ZNF521: variants seen among roughly 807,000 people sequenced by gnomAD.
The protein encoded by ZNF521 is zinc finger protein 521, also known as LYST-interacting protein 3.
ZNF521 carries 14 observed loss-of-function variants against 105.5 expected under a neutral mutation model. The observed-to-expected ratio is 0.13, with a 90% confidence interval of 0.09 to 0.21. The LOEUF (loss-of-function observed/expected upper bound fraction) is 0.21, where lower values mean the gene tolerates loss of function less well. Ranked by LOEUF, ZNF521 falls within the 10% of genes least tolerant of loss-of-function variation. The probability of loss-of-function intolerance (pLI) is 1.00; values close to 1 mark genes in which losing one functional copy is unlikely to be tolerated. For missense variants in ZNF521, 1,233 were observed against 1,629.7 expected (o/e 0.76, Z 4.19); for synonymous variants, 635 against 606.0 (o/e 1.05, Z -0.70).
At chr18:25,273,005 T>C (rs1048266743) in intron 3 of ZNF521, among the ~76,000 whole-genome samples, 1 of 151,532 alleles carries the variant, frequency 6.6e-6, no homozygotes, top group Non-Finnish European at 1.5e-5. Flanking sequence ...AGCAGGTGGA[T>C]CACTTGAGTC....
At chr18:25,256,565 A>C (rs1377486631) in intron 3 of ZNF521, among the ~76,000 whole-genome samples, 1 of 152,044 alleles carries the variant, frequency 6.6e-6, no homozygotes, top group Non-Finnish European at 1.5e-5. Flanking sequence ...AGCATTTCAG[A>C]TGGGTTTGTG....
chr18:25,198,458 A>G (rs1002125289), intron 4 of ZNF521, among the ~76,000 whole-genome samples: 6 of 151,924 alleles, frequency 3.9e-5, no homozygotes, highest in Non-Finnish European at 4.4e-5. Flanking sequence ...ATTAGGACTC[A>G]GACTTCACAT....
rs1050059359 is a variant in ZNF521 at position 25,326,357 on chromosome 18, G to A, written c.41-4170C>T. ...TTCCAAGCCACTTTTGCATGGAAAAGCACTGGCAAAAGAAAGAAAAACTAA... is the reference window on the plus strand; with the variant it reads ...TTCCAAGCCACTTTTGCATGGAAAAACACTGGCAAAAGAAAGAAAAACTAA... On this transcript the variant is annotated intron_variant, in intron 2 of 7. Transcript: ENST00000361524. Among the ~76,000 whole-genome samples, 6 of 152,254 alleles carry A rather than the reference G, an allele frequency of 3.9e-5. No homozygotes were observed. The East Asian group carries it at 9.7e-4, about 25-fold the overall frequency.
chr18:25,281,806 T>A (rs1036846635), intron 3 of ZNF521, among the ~76,000 whole-genome samples: 1 of 152,150 alleles, frequency 6.6e-6, no homozygotes, highest in East Asian at 1.9e-4. Flanking sequence ...TTTCTGACTG[T>A]CCAGTGCAGT....
intron 7 of ZNF521, among the ~76,000 whole-genome samples, chr18:25,082,927 C>T (rs369951720): frequency 7.6e-5 from 11 of 145,182 alleles, no homozygotes; most frequent in Admixed American, 1.4e-4. Flanking sequence ...AGTGAGAAAA[C>T]GGGGATGAGG....
chr18:25,183,644 A>G (rs2035670908), intron 5 of ZNF521, among the ~76,000 whole-genome samples: 1 of 152,164 alleles, frequency 6.6e-6, no homozygotes. Flanking sequence ...TAAATATTTA[A>G]CAGTACTATC....
Position 25,187,342 on chromosome 18 carries a change from T to A in ZNF521, c.3658+7818A>T, listed in dbSNP as rs201692544. 8.0e-4 allele frequency among the ~76,000 whole-genome samples: 122 copies of A among 152,230 alleles called. 3 individuals carry two copies. The South Asian group carries it at 0.011, about 13-fold the overall frequency. ...AATTAATGCAATGTAAGCGTGAACTTAAACGATACAATTTCTCTATTTCTC... is the reference window on the plus strand; with the variant it reads ...AATTAATGCAATGTAAGCGTGAACTAAAACGATACAATTTCTCTATTTCTC... On this transcript the variant is annotated intron_variant, in intron 5 of 7. Coordinates refer to ENST00000361524, the MANE Select transcript of ZNF521 (RefSeq NM_015461.3).
chr18:25,250,161 G>C (rs1230236368), intron 3 of ZNF521, among the ~76,000 whole-genome samples: 1 of 152,084 alleles, frequency 6.6e-6, no homozygotes, highest in Non-Finnish European at 1.5e-5. Context: ...GGATGGTCTC[G>C]ATCTCCTGAC....
intron 3 of ZNF521, among the ~76,000 whole-genome samples, chr18:25,289,835 C>T (rs112237945): frequency 3.2e-3 from 494 of 152,230 alleles, no homozygotes; most frequent in Non-Finnish European, 4.9e-3. Flanking sequence ...AATCAACTTC[C>T]GCACACAATA....
chr18:25,182,881 T>C (rs2035656776), intron 5 of ZNF521, among the ~76,000 whole-genome samples: 1 of 152,126 alleles, frequency 6.6e-6, no homozygotes, highest in African/African-American at 2.4e-5. Context: ...CTAATTATAC[T>C]GATAAGCATG....
At chr18:25,285,954 AG>A (rs1381962648) in intron 3 of ZNF521, among the ~76,000 whole-genome samples, 8 of 152,222 alleles carry the variant, frequency 5.3e-5, no homozygotes, top group Non-Finnish European at 8.8e-5. Context: ...ATCTGATCAA[AG>A]GCCGATATTA....
intron 3 of ZNF521, among the ~76,000 whole-genome samples, chr18:25,285,791 A>T (rs1420779226): frequency 6.6e-6 from 1 of 152,076 alleles, no homozygotes; most frequent in Non-Finnish European, 1.5e-5. Context: ...AAATCACAAA[A>T]AGGTCAGAAA....
intron 3 of ZNF521, among the ~76,000 whole-genome samples, chr18:25,313,984 G>A (rs977548738): frequency 3.9e-5 from 6 of 152,040 alleles, no homozygotes; most frequent in African/African-American, 1.4e-4. Context: ...AACTTATAGT[G>A]CCTTAAGCCT....
At chr18:25,146,993 C>T (rs902377230) in intron 5 of ZNF521, among the ~76,000 whole-genome samples, 6 of 152,108 alleles carry the variant, frequency 3.9e-5, no homozygotes, top group Admixed American at 3.9e-4. Flanking sequence ...ATTACATAGG[C>T]ATCAGATATA....
intron 5 of ZNF521, among the ~76,000 whole-genome samples, chr18:25,191,089 G>T (rs968459920): frequency 1.3e-5 from 2 of 151,948 alleles, no homozygotes; most frequent in Admixed American, 6.6e-5. Context: ...GTTTATTAGT[G>T]ACTATTTCTG....
At chr18:25,274,841 TTA>T (rs1472311243) in intron 3 of ZNF521, among the ~76,000 whole-genome samples, 2 of 152,188 alleles carry the variant, frequency 1.3e-5, no homozygotes, top group African/African-American at 4.8e-5. Flanking sequence ...GTTGTGGGAC[TTA>T]TGGCTTGTCC....
At chr18:25,204,561 G>A (rs1568008203) in intron 4 of ZNF521, among the ~76,000 whole-genome samples, 3 of 151,876 alleles carry the variant, frequency 2.0e-5, no homozygotes, top group Admixed American at 2.0e-4. Context: ...TAAGAATAAT[G>A]TTTACTTTAA....
chr18:25,259,832 G>A (rs1908788126), intron 3 of ZNF521, among the ~76,000 whole-genome samples: 1 of 152,168 alleles, frequency 6.6e-6, no homozygotes, highest in Admixed American at 6.6e-5. Context: ...GCCTCCCAGA[G>A]GGAACACCCC....
chr18:25,183,854 A>T (rs2035674627), intron 5 of ZNF521, among the ~76,000 whole-genome samples: 1 of 152,118 alleles, frequency 6.6e-6, no homozygotes, highest in South Asian at 2.1e-4. Flanking sequence ...CTGAAAACCT[A>T]TTTGATTTTA....
Sources: gnomAD v4.1 joint callset for allele counts (sites outside exome capture counted in the v4.1 genomes callset) on GRCh38, gnomAD v4.1.1 for gene constraint, MANE v1.5 for transcripts, NCBI Gene and HGNC (gene_info 2026-07-23, HGNC 2026-07-21) for gene names.